The following CTNNA2 variants were observed in gnomAD, a reference collection of about 807,000 sequenced individuals.
CTNNA2 encodes the protein catenin alpha 2.
Under a neutral mutation model 101.0 loss-of-function variants are expected in CTNNA2, and 42 were observed. The ratio of observed to expected loss-of-function variants is 0.42; its 90% CI spans 0.32 to 0.54. The LOEUF (loss-of-function observed/expected upper bound fraction) is 0.54, where lower values mean the gene tolerates loss of function less well. Ranked by LOEUF, CTNNA2 falls within the 20% of genes least tolerant of loss-of-function variation. CTNNA2 has a pLI of 0.14. For missense variants in CTNNA2, 871 were observed against 1,223.1 expected, an observed-to-expected ratio of 0.71 and a Z score of 4.29; for synonymous variants, 450 against 456.4, an observed-to-expected ratio of 0.99 and a Z score of 0.18.
At position 79,569,062 on chromosome 2, in the gene CTNNA2, G is replaced by T. The variant is rs183204381; in HGVS notation, c.-6+55855G>T. Among the ~76,000 whole-genome samples, 16 of 151,950 alleles carry T rather than the reference G, an allele frequency of 1.1e-4. No individual in the cohort carries two copies. The East Asian group carries it at 2.9e-3, about 28-fold the overall frequency. On this transcript the variant is annotated intron_variant, in intron 1 of 18. Coordinates refer to ENST00000402739, the MANE Select transcript of CTNNA2 (RefSeq NM_001282597.3). The stretch of plus-strand genomic sequence containing the variant: ...AAAATAAAAATGACATAATATTAAC[G>T]TTTCTATTTTTATATGAAGAAGTCT...
intron 3 of CTNNA2, among the ~76,000 whole-genome samples, chr2:79,319,560 T>TAA (rs1183132429): frequency 1.5e-5 from 2 of 137,064 alleles, no homozygotes; most frequent in African/African-American, 5.7e-5. Flanking sequence ...GGTAATTTAT[T>TAA]TAAAAAAAAA....
chr2:80,275,453 AATG>A (rs1223526436), intron 7 of CTNNA2, among the ~76,000 whole-genome samples: 1 of 152,218 alleles, frequency 6.6e-6, no homozygotes, highest in African/African-American at 2.4e-5. Flanking sequence ...CAGTCATTAA[AATG>A]ATGATTGAAT....
intron 2 of CTNNA2, among the ~76,000 whole-genome samples, chr2:79,205,111 G>A (rs1223554627): frequency 6.6e-6 from 1 of 152,188 alleles, no homozygotes; most frequent in Non-Finnish European, 1.5e-5. Context: ...ATAAGGTGTT[G>A]GGTCATAGAA....
chr2:79,959,870 G>T (rs1180775246), intron 7 of CTNNA2, among the ~76,000 whole-genome samples: 1 of 152,166 alleles, frequency 6.6e-6, no homozygotes, highest in African/African-American at 2.4e-5. Context: ...GTTATATGGT[G>T]AGCTATAAAG....
chr2:80,407,643 G>A (rs1165459941), intron 8 of CTNNA2, among the ~76,000 whole-genome samples: 1 of 152,104 alleles, frequency 6.6e-6, no homozygotes, highest in Non-Finnish European at 1.5e-5. Context: ...AGACAAATAT[G>A]GTGTAAGCAC....
At chr2:80,487,487 A>T (rs566206127) in intron 9 of CTNNA2, among the ~76,000 whole-genome samples, 2 of 152,182 alleles carry the variant, frequency 1.3e-5, no homozygotes, top group South Asian at 4.1e-4. Flanking sequence ...GTCCTTCTTC[A>T]CATGGTGGCA....
intron 1 of CTNNA2, among the ~76,000 whole-genome samples, chr2:79,615,938 T>C (rs1405677045): frequency 6.6e-6 from 1 of 152,162 alleles, no homozygotes; most frequent in Non-Finnish European, 1.5e-5. Context: ...TTTCCTCAAG[T>C]CAGCTTCCCC....
intron 9 of CTNNA2, among the ~76,000 whole-genome samples, chr2:80,521,763 G>C (rs185178137): frequency 1.3e-5 from 2 of 152,108 alleles, no homozygotes; most frequent in Non-Finnish European, 2.9e-5. Context: ...TTAGCCCGGC[G>C]AGCCCCATTT....
At chr2:80,066,167 G>C (rs757918545) in intron 7 of CTNNA2, among the ~76,000 whole-genome samples, 33 of 152,154 alleles carry the variant, frequency 2.2e-4, no homozygotes, top group Non-Finnish European at 4.6e-4. Context: ...AGATATTACA[G>C]AAATGAAGTG....
At chr2:79,765,841 T>C (rs953392270) in intron 3 of CTNNA2, among the ~76,000 whole-genome samples, 87 of 152,246 alleles carry the variant, frequency 5.7e-4, no homozygotes, top group Non-Finnish European at 7.6e-4. Flanking sequence ...TTTGGTGTTA[T>C]GTTACTTGCG....
At chr2:79,680,643 A>C (rs1174767913) in intron 2 of CTNNA2, among the ~76,000 whole-genome samples, 1 of 152,196 alleles carries the variant, frequency 6.6e-6, no homozygotes, top group Non-Finnish European at 1.5e-5. Context: ...ATTGTTTCAG[A>C]ATTTCATCAG....
At chr2:79,556,417 T>A (rs1252053886) in intron 1 of CTNNA2, among the ~76,000 whole-genome samples, 3 of 152,012 alleles carry the variant, frequency 2.0e-5, no homozygotes, top group Non-Finnish European at 2.9e-5. Flanking sequence ...AGCTAGCACT[T>A]TTATTCTTGG....
At chr2:79,960,238 C>T (rs558551219) in intron 7 of CTNNA2, among the ~76,000 whole-genome samples, 1 of 152,306 alleles carries the variant, frequency 6.6e-6, no homozygotes, top group Non-Finnish European at 1.5e-5. Context: ...TCTGCTGACT[C>T]AACTGTAAAG....
At chr2:80,369,594 G>A (rs1675267054) in intron 7 of CTNNA2, among the ~76,000 whole-genome samples, 1 of 152,054 alleles carries the variant, frequency 6.6e-6, no homozygotes, top group Admixed American at 6.6e-5. Context: ...CTAAGTCCTG[G>A]AACCCATGAA....
At chr2:79,413,020 A>T (rs1297549386) in intron 4 of CTNNA2, among the ~76,000 whole-genome samples, 1 of 152,006 alleles carries the variant, frequency 6.6e-6, no homozygotes, top group African/African-American at 2.4e-5. Context: ...AGAGCTAAAA[A>T]CTCTTAATTT....
At chr2:79,708,131 G>T (rs2104794488) in intron 2 of CTNNA2, among the ~76,000 whole-genome samples, 1 of 152,310 alleles carries the variant, frequency 6.6e-6, no homozygotes, top group South Asian at 2.1e-4. Context: ...TCAAGTGATT[G>T]TAGAGGAAGT....
chr2:80,085,110 G>C (rs1699362197), intron 7 of CTNNA2, among the ~76,000 whole-genome samples: 1 of 152,068 alleles, frequency 6.6e-6, no homozygotes, highest in South Asian at 2.1e-4. Flanking sequence ...AGTGAGAATA[G>C]GCCAAGTTAA....
At chr2:79,918,692 G>T (rs1354636543) in intron 7 of CTNNA2, among the ~76,000 whole-genome samples, 1 of 152,162 alleles carries the variant, frequency 6.6e-6, no homozygotes, top group Non-Finnish European at 1.5e-5. Flanking sequence ...GGCATTTTGG[G>T]TGGTGGGTTG....
chr2:79,429,442 T>C (rs1678627653), intron 4 of CTNNA2, among the ~76,000 whole-genome samples: 1 of 152,178 alleles, frequency 6.6e-6, no homozygotes, highest in African/African-American at 2.4e-5. Context: ...TGATATGTAG[T>C]TTGAAGTCAA....
Sources: allele counts gnomAD v4.1 joint callset (sites outside exome capture counted in the v4.1 genomes callset), GRCh38; gene constraint gnomAD v4.1.1; transcripts MANE v1.5; gene names NCBI Gene and HGNC (gene_info 2026-07-23, HGNC 2026-07-21).